ARPP21: variants seen among roughly 807,000 people sequenced by gnomAD.
The protein encoded by ARPP21 is cAMP regulated phosphoprotein 21, also known as cAMP-regulated phosphoprotein 21.
In ARPP21, 69 loss-of-function variants were observed where a neutral mutation model predicts 113.2. That is an observed-to-expected ratio of 0.61 (90% CI 0.50 to 0.74). The LOEUF is 0.74. Ranked by LOEUF, ARPP21 falls within the 30% of genes least tolerant of loss-of-function variation. ARPP21 has a pLI of 0.00. For synonymous variants in ARPP21, 368 were observed against 375.5 expected, an observed-to-expected ratio of 0.98 and a Z score of 0.23; for missense variants, 1,070 against 1,037.4, an observed-to-expected ratio of 1.03 and a Z score of -0.43.
In ARPP21 at chr3:35,717,359, T is replaced by C. The variant is rs200200128; in HGVS notation, c.995+2T>C. The C allele has an allele frequency of 1.5e-5, 24 of 1,585,614 alleles. No homozygotes were observed. The highest frequency in any genetic ancestry group is 2.0e-5 in the Non-Finnish European group (23 of 1,154,620). On this transcript the variant is annotated splice_donor_variant, in intron 13 of 20. Transcript: ENST00000684406. LOFTEE classifies it high-confidence loss of function. ...CTATAAGAAAAGACAGCTCTTTCGG[T>C]TGGTATGGTTTACTTTCTTAAACTG... is the stretch of plus-strand genomic sequence containing the variant.
At chr3:35,658,332 A>G (rs1705984000) in intron 1 of ARPP21, among the ~76,000 whole-genome samples, 1 of 152,038 alleles carries the variant, frequency 6.6e-6, no homozygotes, top group African/African-American at 2.4e-5. Flanking sequence ...CCATGAGTGA[A>G]TGATTCGTTG....
chr3:35,775,752 G>T (rs1326115667), intron 19 of ARPP21, among the ~76,000 whole-genome samples: 1 of 151,986 alleles, frequency 6.6e-6, no homozygotes, highest in African/African-American at 2.4e-5. Context: ...CCAAAATATA[G>T]AGACAGAAAA....
At chr3:35,683,504 T>A (rs1000052628) in intron 4 of ARPP21, among the ~76,000 whole-genome samples, 4 of 151,786 alleles carry the variant, frequency 2.6e-5, no homozygotes, top group Admixed American at 6.6e-5. Flanking sequence ...GTATTTTTTT[T>A]AATTTATCTA....
At chr3:35,714,976 A>C (rs2150157542) in intron 11 of ARPP21, 1 of 153,292 alleles carries the variant, frequency 6.5e-6, no homozygotes, top group African/African-American at 2.4e-5. Context: ...GTTTATCATC[A>C]CCAGGTAATA....
At position 35,739,540 on chromosome 3, in the gene ARPP21, C is replaced by T; in HGVS notation, c.1973C>T (p.Ser658Leu). Residue 658 changes from serine (S) to leucine (L), a missense_variant, in exon 18 of 21, where the codon TCA becomes TTA. Transcript: ENST00000684406. ...CAGCAGGTCCTCCAGCCCCCTCCCT[C>T]ACCACAGGGATTTGTGCAACAGCCT... ...ISQQVLQPPPSPQGFVQQPPP... is the reference protein window; with the variant it reads ...ISQQVLQPPPLPQGFVQQPPP... 2.5e-6 allele frequency: 4 copies of T among 1,613,918 alleles called. No homozygotes were observed. The highest frequency in any genetic ancestry group is 3.4e-6 in the Non-Finnish European group (4 of 1,179,886).
At chr3:35,737,049 T>G (rs1293383820) in intron 15 of ARPP21, 129 bp from the exon 16 acceptor site, 1 of 602,684 alleles carries the variant, frequency 1.7e-6, no homozygotes, top group East Asian at 2.7e-5. Flanking sequence ...GTGAAGGTTT[T>G]GGGGTCTTAG....
intron 15 of ARPP21, among the ~76,000 whole-genome samples, chr3:35,734,012 T>C (rs531728079): frequency 2.0e-4 from 31 of 152,352 alleles, no homozygotes; most frequent in South Asian, 1.0e-3. Context: ...TTAGTTTTCA[T>C]TGGGGTAAAT....
intron 5 of ARPP21, among the ~76,000 whole-genome samples, chr3:35,686,852 A>G (rs980342964): frequency 6.6e-6 from 1 of 151,692 alleles, no homozygotes; most frequent in Non-Finnish European, 1.5e-5. Flanking sequence ...AACAGTGAAC[A>G]TACTATCAAT....
intron 1 of ARPP21, among the ~76,000 whole-genome samples, chr3:35,667,968 AGAAGAAG>A (rs2075130536): frequency 1.7e-5 from 2 of 120,100 alleles, no homozygotes; most frequent in Non-Finnish European, 3.6e-5. Flanking sequence ...AAGAAGAAGA[AGAAGAAG>A]AAGAAGAAGA....
chr3:35,690,801 T>A, intron 8 of ARPP21, 64 bp from the exon 9 acceptor site: 1 of 1,472,216 alleles, frequency 6.8e-7, no homozygotes, highest in Non-Finnish European at 9.2e-7. Flanking sequence ...TGTATACTTG[T>A]AAAAAGGTAT....
chr3:35,763,935 G>T (rs1362419620), intron 19 of ARPP21, among the ~76,000 whole-genome samples: 3 of 152,052 alleles, frequency 2.0e-5, no homozygotes, highest in Admixed American at 6.6e-5. Flanking sequence ...AGGCCAAGGT[G>T]GGAGGATCAC....
intron 14 of ARPP21, among the ~76,000 whole-genome samples, chr3:35,726,089 T>C (rs1243408223): frequency 6.6e-6 from 1 of 152,212 alleles, no homozygotes; most frequent in Non-Finnish European, 1.5e-5. Context: ...CTGTAAAAGT[T>C]AGATTAGACA....
chr3:35,769,579 G>A (rs145771312), intron 19 of ARPP21, among the ~76,000 whole-genome samples: 159 of 152,212 alleles, frequency 1.0e-3, no homozygotes, highest in African/African-American at 2.9e-3. Context: ...TCCTGAGTTC[G>A]CTATCTTTTG....
chr3:35,676,644 T>A (rs1027184857), intron 1 of ARPP21, among the ~76,000 whole-genome samples: 1 of 151,892 alleles, frequency 6.6e-6, no homozygotes, highest in Non-Finnish European at 1.5e-5. Flanking sequence ...CGATTGCATT[T>A]TGGGTGTGTA....
intron 1 of ARPP21, among the ~76,000 whole-genome samples, chr3:35,668,046 A>C (rs1349817432): frequency 6.6e-6 from 1 of 150,924 alleles, no homozygotes; most frequent in African/African-American, 2.4e-5. Flanking sequence ...AAGAAGAAGA[A>C]AGAAGAAAGT....
chr3:35,762,668 T>G (rs768498570), intron 19 of ARPP21, among the ~76,000 whole-genome samples: 1 of 152,092 alleles, frequency 6.6e-6, no homozygotes, highest in Non-Finnish European at 1.5e-5. Flanking sequence ...AATAAGCAAA[T>G]GACACACTTC....
chr3:35,738,064 C>A (rs911676284), intron 16 of ARPP21, 150 bp from the exon 17 acceptor site: 2 of 578,310 alleles, frequency 3.5e-6, no homozygotes, highest in Non-Finnish European at 6.2e-6. Context: ...TGGCTCTGGT[C>A]TTTCAGAGCC....
At chr3:35,765,026 T>C (rs1226831997) in intron 19 of ARPP21, among the ~76,000 whole-genome samples, 1 of 152,124 alleles carries the variant, frequency 6.6e-6, no homozygotes, top group Non-Finnish European at 1.5e-5. Context: ...TGTTCTCATG[T>C]ACCTACTATT....
In ARPP21 at chr3:35,679,921, G is replaced by T. The variant is rs1242343312; in HGVS notation, c.-78G>T. 6.6e-6 allele frequency: 1 copy of T among 152,272 alleles called. No homozygotes were observed. The highest frequency in any genetic ancestry group is 1.5e-5 in the Non-Finnish European group (1 of 67,878). 9.4% of individuals were successfully genotyped at this position (152,272 alleles called of 1,614,324 possible). A position where few individuals can be genotyped will look rare whatever the true frequency, so the allele number is the denominator to read the frequency against. ...TGGCGTAGAACGACAGAAGCCGCTA[G>T]TAAGTCGCCAAGACCTACAGCAGGA... On this transcript the variant is annotated 5_prime_UTR_variant, in exon 2 of 21. Coordinates refer to ENST00000684406, the MANE Select transcript of ARPP21 (RefSeq NM_001385562.1).
Sources: allele counts gnomAD v4.1 joint callset (sites outside exome capture counted in the v4.1 genomes callset), GRCh38; gene constraint gnomAD v4.1.1; transcripts MANE v1.5; gene names NCBI Gene and HGNC (gene_info 2026-07-23, HGNC 2026-07-21).